SUPT5H: variants seen among roughly 807,000 people sequenced by gnomAD.
SUPT5H encodes SPT5 homolog, DSIF elongation factor subunit, also known as transcription elongation factor SPT5.
Under a neutral mutation model 142.5 loss-of-function variants are expected in SUPT5H, and 24 were observed. The observed-to-expected ratio is 0.17, with a 90% CI of 0.12 to 0.24. SUPT5H has a LOEUF of 0.24. Among genes scored for constraint, SUPT5H ranks in the 10% least tolerant of loss-of-function variants. The pLI is 1.00. For synonymous variants in SUPT5H, 546 were observed against 553.0 expected, an observed-to-expected ratio of 0.99 and a Z score of 0.18; for missense variants, 893 against 1,471.8, an observed-to-expected ratio of 0.61 and a Z score of 6.43.
rs1016825353 is a variant in SUPT5H, at chr19:39,466,066, A to G, written c.877-414A>G. ...TGGAATGCTGAGACTGCAGTGGAGG[A>G]GGGGAAGAGGTCAGGTATTTTGAAG... is the stretch of plus-strand genomic sequence containing the variant. On this transcript the variant is annotated intron_variant, in intron 11 of 29. Coordinates refer to ENST00000432763, the MANE Select transcript of SUPT5H (RefSeq NM_001111020.3). This position sits in a 1 kb window ranked among gnomAD's most constrained non-coding sequence, Gnocchi z 4.3. Among the ~76,000 whole-genome samples, 2 of 152,006 alleles carry G rather than the reference A, an allele frequency of 1.3e-5. No homozygotes were observed. The highest frequency in any genetic ancestry group is 2.9e-5 in the Non-Finnish European group (2 of 68,000).
In SUPT5H at chr19:39,472,947, T is replaced by G. The variant is rs1568433014; in HGVS notation, c.2155+18T>G. The G allele has an allele frequency of 6.2e-7, 1 of 1,611,368 alleles. No homozygotes were observed. Among genetic ancestry groups the G allele is most frequent in the African/African-American group, 1.3e-5 (1 of 74,884 alleles). ...CTACAAAGGTGACCTGCGAGGCCTG[T>G]GGAGGCCTGGGGAGGGGCATGGTGA... On this transcript the variant is annotated intron_variant, in intron 22 of 29. Coordinates refer to ENST00000432763, the MANE Select transcript of SUPT5H (RefSeq NM_001111020.3). This position sits in a 1 kb window ranked among gnomAD's most constrained non-coding sequence, Gnocchi z 4.2.
chr19:39,455,609 C>T (rs2079077267), intron 3 of SUPT5H, among the ~76,000 whole-genome samples: 1 of 150,226 alleles, frequency 6.7e-6, no homozygotes, highest in African/African-American at 2.4e-5. Flanking sequence ...GGATTACATG[C>T]ATTTCTTTTC....
In SUPT5H at chr19:39,473,142, G is replaced by A; in HGVS notation, c.2258+28G>A. 6.2e-7 allele frequency: 1 copy of A among 1,611,540 alleles called. No homozygotes were observed. The highest frequency in any genetic ancestry group is 8.5e-7 in the Non-Finnish European group (1 of 1,179,648). On this transcript the variant is annotated intron_variant, in intron 23 of 29. Coordinates refer to ENST00000432763, the MANE Select transcript of SUPT5H (RefSeq NM_001111020.3). This position sits in a 1 kb window ranked among gnomAD's most constrained non-coding sequence, Gnocchi z 5.8. ...ACGGGCGGGGCCTGGGGAGGGCCAG[G>A]GTGGGGCTTGCTAGGCAGTGAGAGG...
chr19:39,474,008 G>A lies in SUPT5H; in HGVS notation c.2538G>A (p.Pro846=), dbSNP rs780153255. Residue 846 remains proline, a synonymous_variant, in exon 26 of 30, where the codon CCG becomes CCA. Coordinates refer to ENST00000432763, the MANE Select transcript of SUPT5H (RefSeq NM_001111020.3). This position sits in a 1 kb window ranked among gnomAD's most constrained non-coding sequence, Gnocchi z 6.5. Reference sequence around the variant, plus strand: ...ATGCTTTCGATGATGAGCCCACCCCGTCCCCGCAGGCCTATGGGGGAACCC... The same window carrying A: ...ATGCTTTCGATGATGAGCCCACCCCATCCCCGCAGGCCTATGGGGGAACCC... ...YEYAFDDEPT[P]SPQAYGGTPN... is the part of the protein sequence containing the mutation. The A allele has an allele frequency of 8.9e-5, 143 of 1,613,682 alleles. 1 individual carries two copies. Among genetic ancestry groups the A allele is most frequent in the South Asian group, 1.5e-4 (14 of 91,084 alleles).
At position 39,472,561 on chromosome 19, in the gene SUPT5H, C is replaced by T; in HGVS notation, c.2035+68C>T. ...GCTGGAAGGAACTTGGTTGTTCAGC[C>T]TACACTCACTGAGTGCCTGTGCTGG... On this transcript the variant is annotated intron_variant, in intron 21 of 29. Coordinates refer to ENST00000432763, the MANE Select transcript of SUPT5H (RefSeq NM_001111020.3). This position sits in a 1 kb window ranked among gnomAD's most constrained non-coding sequence, Gnocchi z 4.2. 6.4e-7 allele frequency: 1 copy of T among 1,555,810 alleles called. No individual in the cohort carries two copies. Among genetic ancestry groups the T allele is most frequent in the South Asian group, 1.1e-5 (1 of 89,254 alleles).
At chr19:39,449,541 G>T (rs2078994209) in intron 2 of SUPT5H, among the ~76,000 whole-genome samples, 2 of 152,132 alleles carry the variant, frequency 1.3e-5, no homozygotes, top group Admixed American at 1.3e-4. Context: ...AGTGGTCAGG[G>T]CTGTGATGGA....
intron 2 of SUPT5H, among the ~76,000 whole-genome samples, chr19:39,446,989 C>T (rs531110227): frequency 3.9e-5 from 6 of 152,204 alleles, no homozygotes; most frequent in South Asian, 2.1e-4. Flanking sequence ...GCCTGGGCGA[C>T]GAGCAAGACT....
Position 39,470,324 on chromosome 19 carries a change from C to G in SUPT5H, c.1530+50C>G. 1 of 1,542,050 alleles carries G rather than the reference C, an allele frequency of 6.5e-7. No individual in the cohort carries two copies. The highest frequency in any genetic ancestry group is 8.8e-7 in the Non-Finnish European group (1 of 1,138,764). On this transcript the variant is annotated intron_variant, in intron 17 of 29. Transcript: ENST00000432763. This position sits in a 1 kb window ranked among gnomAD's most constrained non-coding sequence, Gnocchi z 5.8. ...AGGGTGCACGTGCCAAGAGGAGACC[C>G]AGGTAGGCGAGCCACCTGGACTGGG...
At chr19:39,452,639 C>T (rs374346108) in intron 2 of SUPT5H, among the ~76,000 whole-genome samples, 1 of 152,080 alleles carries the variant, frequency 6.6e-6, no homozygotes, top group South Asian at 2.1e-4. Flanking sequence ...GGACTAGAAA[C>T]AGAGATGGGA....
At position 39,459,262 on chromosome 19, in the gene SUPT5H, G is replaced by C; in HGVS notation, c.524+13G>C. The C allele has an allele frequency of 6.4e-7, 1 of 1,556,938 alleles. No homozygotes were observed. On this transcript the variant is annotated intron_variant, in intron 8 of 29. Transcript: ENST00000432763. ...TCCCAGGAGTCAAGTAAGGGGGTTG[G>C]GATGGTGGGGGCCGTGCTGGGGTGC...
In SUPT5H at chr19:39,459,928, C is replaced by G; in HGVS notation, c.592C>G (p.Arg198Gly). ...ACGGGCCACGGCCATTTCCTTGATG[C>G]GCAAGTTCATTGCCTACCAGTTCAC... ...EERATAISLM[R>G]KFIAYQFTDT... is the part of the protein sequence containing the mutation. Residue 198 changes from arginine (R) to glycine (G), a missense_variant, in exon 10 of 30, where the codon CGC becomes GGC. Arg to Gly is a moderately radical substitution (Grantham distance 125, BLOSUM62 -2). Coordinates refer to ENST00000432763, the MANE Select transcript of SUPT5H (RefSeq NM_001111020.3). The G allele has an allele frequency of 1.2e-6, 2 of 1,614,130 alleles. No homozygotes were observed. Among genetic ancestry groups the G allele is most frequent in the Non-Finnish European group, 8.5e-7 (1 of 1,180,036 alleles).
At chr19:39,454,387 G>A (rs993463666) in intron 3 of SUPT5H, among the ~76,000 whole-genome samples, 9 of 140,634 alleles carry the variant, frequency 6.4e-5, no homozygotes, top group African/African-American at 2.4e-4. Flanking sequence ...ACGGAGTCTC[G>A]CTCAGGCTGG....
Position 39,458,531 on chromosome 19 carries a change from G to A in SUPT5H, c.319+226G>A. 1 of 894,470 alleles carries A rather than the reference G, an allele frequency of 1.1e-6. No individual in the cohort carries two copies. The highest frequency in any genetic ancestry group is 1.7e-6 in the Non-Finnish European group (1 of 586,682). The allele number at this position is 894,470 out of a possible 1,614,324, so 55.4% of individuals were successfully genotyped here. On this transcript the variant is annotated intron_variant, in intron 5 of 29. Coordinates refer to ENST00000432763, the MANE Select transcript of SUPT5H (RefSeq NM_001111020.3). This position sits in a 1 kb window ranked among gnomAD's most constrained non-coding sequence, Gnocchi z 4.2. ...TCTGTCTGGGACTGAGCATTTGTGGGTGGTAGCGATGTGTGGGGTGGGGTG... is the reference window on the plus strand; with the variant it reads ...TCTGTCTGGGACTGAGCATTTGTGGATGGTAGCGATGTGTGGGGTGGGGTG...
rs2304216 is a variant in SUPT5H at position 39,464,875 on chromosome 19, C to T, written c.702C>T (p.His234=). The T allele has an allele frequency of 0.076, 122,031 of 1,614,146 alleles. 5,326 individuals carry two copies. The highest frequency in any genetic ancestry group is 0.091 in the East Asian group (4,099 of 44,872). The change falls in exon 11 of 30, where the codon CAC becomes CAT. Residue 234 remains histidine, a synonymous_variant. Coordinates refer to ENST00000432763, the MANE Select transcript of SUPT5H (RefSeq NM_001111020.3). The part of the protein sequence containing the change: ...YIYVEAYKQT[H]VKQAIEGVGN... ...ACGTGGAGGCCTACAAGCAGACCCA[C>T]GTGAAGCAGGCCATTGAGGGGGTGG...
intron 10 of SUPT5H, 200 bp downstream of exon 10, chr19:39,460,160 C>T (rs191313287): frequency 4.0e-4 from 238 of 588,520 alleles, no homozygotes; most frequent in Non-Finnish European, 6.1e-4. Flanking sequence ...TTGTTCTCTG[C>T]ATTTATGGCA....
chr19:39,461,405 GT>G (rs1001962999), intron 10 of SUPT5H, among the ~76,000 whole-genome samples: 4 of 152,074 alleles, frequency 2.6e-5, no homozygotes, highest in African/African-American at 9.6e-5. Flanking sequence ...GGTTGAAAAG[GT>G]ACCTTTTGGC....
In SUPT5H at chr19:39,473,179, C is replaced by T; in HGVS notation, c.2259-24C>T. The T allele has an allele frequency of 6.2e-7, 1 of 1,611,220 alleles. No individual in the cohort carries two copies. Among genetic ancestry groups the T allele is most frequent in the East Asian group, 2.2e-5 (1 of 44,870 alleles). ...TAGGCAGTGAGAGGGGTCTGCTCACCCCATTTGTTCTCTGCGTCCCCAGGG... is the reference window on the plus strand; with the variant it reads ...TAGGCAGTGAGAGGGGTCTGCTCACTCCATTTGTTCTCTGCGTCCCCAGGG... On this transcript the variant is annotated intron_variant, in intron 23 of 29. Coordinates refer to ENST00000432763, the MANE Select transcript of SUPT5H (RefSeq NM_001111020.3). This position sits in a 1 kb window ranked among gnomAD's most constrained non-coding sequence, Gnocchi z 5.8.
Position 39,466,237 on chromosome 19 carries a change from G to A in SUPT5H, c.877-243G>A, listed in dbSNP as rs1050769737. On this transcript the variant is annotated intron_variant, in intron 11 of 29. Transcript: ENST00000432763. The surrounding 1 kb of genome is among the most constrained non-coding windows in gnomAD (Gnocchi z 4.3). ...TTGGGGGAATCAGCGGTTTGGCTGC[G>A]GTCGTCCTGGATTTGAGGGACCTTT... Among the ~76,000 whole-genome samples, 18 of 152,252 alleles carry A rather than the reference G, an allele frequency of 1.2e-4. No individual in the cohort carries two copies. The highest frequency in any genetic ancestry group is 4.3e-4 in the African/African-American group (18 of 41,542).
rs908475477 is a variant in SUPT5H, at chr19:39,458,076, G to A, written c.308-218G>A. 2.9e-5 allele frequency: 24 copies of A among 819,378 alleles called. No homozygotes were observed. The Middle Eastern group carries it at 1.5e-3, about 51-fold the overall frequency. 50.8% of individuals were successfully genotyped at this position (819,378 alleles called of 1,614,324 possible). ...TGCCCCCCTTTCCCCGTTATTTTCC[G>A]TTCTGTGCGCCTCATACATTTCGGC... is the stretch of plus-strand genomic sequence containing the variant. On this transcript the variant is annotated intron_variant, in intron 4 of 29. Coordinates refer to ENST00000432763, the MANE Select transcript of SUPT5H (RefSeq NM_001111020.3). This position sits in a 1 kb window ranked among gnomAD's most constrained non-coding sequence, Gnocchi z 4.2.
Sources: gnomAD v4.1 joint callset for allele counts (sites outside exome capture counted in the v4.1 genomes callset) on GRCh38, gnomAD v4.1.1 for gene constraint, Gnocchi (gnomAD v3.1) non-coding constraint, MANE v1.5 for transcripts, NCBI Gene and HGNC (gene_info 2026-07-23, HGNC 2026-07-21) for gene names.